The following RGP1 variants were observed in gnomAD, a reference collection of about 807,000 sequenced individuals.
RGP1 encodes the protein RGP1 partner of RAB6A GEF complex.
In RGP1, 28 loss-of-function variants were observed where a neutral mutation model predicts 44.5. The ratio of observed to expected loss-of-function variants is 0.63; its 90% CI spans 0.47 to 0.86. RGP1 has a LOEUF of 0.86. RGP1 is among the 40% of genes least tolerant of loss of function. RGP1 has a pLI of 0.00. For missense variants in RGP1, 417 were observed against 490.7 expected (o/e 0.85, Z 1.42); for synonymous variants, 212 against 196.7 (o/e 1.08, Z -0.65).
In RGP1 at chr9:35,757,070, C is replaced by A; in HGVS notation, c.*4196C>A. 6.5e-6 allele frequency: 1 copy of A among 152,692 alleles called. No individual in the cohort carries two copies. The highest frequency in any genetic ancestry group is 1.5e-5 in the Non-Finnish European group (1 of 68,388). The allele number at this position is 152,692 out of a possible 1,614,324, so 9.5% of individuals were successfully genotyped here. A position where few individuals can be genotyped will look rare whatever the true frequency, so the allele number is the denominator to read the frequency against. The stretch of plus-strand genomic sequence containing the variant: ...GAGGGGGCGGCTGGCGCGCACTACA[C>A]GCTTGGGAACAAGGAAAACATCCGC... On this transcript the variant is annotated 3_prime_UTR_variant, in exon 9 of 9. Coordinates refer to ENST00000378078, the MANE Select transcript of RGP1 (RefSeq NM_001080496.3).
At chr9:35,750,208 A>G (rs779022407) in intron 2 of RGP1, 35 bp from the exon 3 acceptor site, 1 of 1,603,240 alleles carries the variant, frequency 6.2e-7, no homozygotes, top group Non-Finnish European at 8.5e-7. Flanking sequence ...GAGGTCAGGA[A>G]CTACCTCTGA....
At chr9:35,781,870 A>G in the RGP1 span, among the ~76,000 whole-genome samples, 6,028 of 152,158 alleles carry the variant, frequency 0.04, 230 homozygotes, top group African/African-American at 0.091. Flanking sequence ...AGATGGAAGC[A>G]TCTAATTACA....
Position 35,753,487 on chromosome 9 carries a change from C to T in RGP1, c.*613C>T. ...CTCTCCAGGTCCACCCCAACCTCCCCTGATTTATAGCCTGAAGCCTTATCT... is the reference window on the plus strand; with the variant it reads ...CTCTCCAGGTCCACCCCAACCTCCCTTGATTTATAGCCTGAAGCCTTATCT... On this transcript the variant is annotated 3_prime_UTR_variant, in exon 9 of 9. Transcript: ENST00000378078. This position sits in a 1 kb window ranked among gnomAD's most constrained non-coding sequence, Gnocchi z 4.2. 1.3e-6 allele frequency: 1 copy of T among 775,380 alleles called. No homozygotes were observed. Among genetic ancestry groups the T allele is most frequent in the Non-Finnish European group, 2.1e-6 (1 of 482,918 alleles). The allele number at this position is 775,380 out of a possible 1,614,324, so 48.0% of individuals were successfully genotyped here.
chr9:35,786,757 A>G, the RGP1 span: 2 of 152,220 alleles, frequency 1.3e-5, no homozygotes, highest in Non-Finnish European at 2.9e-5. Context: ...GTTTGTCTAA[A>G]AAACATATAT....
At chr9:35,774,456 G>T in the RGP1 span, among the ~76,000 whole-genome samples, 1 of 152,224 alleles carries the variant, frequency 6.6e-6, no homozygotes, top group African/African-American at 2.4e-5. Context: ...GGCCGGGCGC[G>T]GTGGCTCACG....
the RGP1 span, among the ~76,000 whole-genome samples, chr9:35,781,660 C>T: frequency 6.6e-6 from 1 of 152,032 alleles, no homozygotes; most frequent in Non-Finnish European, 1.5e-5. Context: ...GTCCTGAATT[C>T]GGCATGATTT....
chr9:35,783,257 T>C, the RGP1 span, among the ~76,000 whole-genome samples: 1 of 152,216 alleles, frequency 6.6e-6, no homozygotes, highest in Non-Finnish European at 1.5e-5. Context: ...GATGGATACA[T>C]GTATAGTGTG....
intron 6 of RGP1, 106 bp downstream of exon 6, chr9:35,751,518 C>A: frequency 6.3e-7 from 1 of 1,594,514 alleles, no homozygotes; most frequent in South Asian, 1.1e-5. Context: ...CCACTGATAC[C>A]TGACACCTCC....
At chr9:35,789,968 A>G in the RGP1 span, among the ~76,000 whole-genome samples, 60 of 152,304 alleles carry the variant, frequency 3.9e-4, no homozygotes, top group African/African-American at 1.4e-3. Context: ...TATTTATATG[A>G]TCCTCTTAGC....
At chr9:35,760,368 T>C (rs1311338925), downstream of RGP1, among the ~76,000 whole-genome samples, 2 of 152,132 alleles carry the variant, frequency 1.3e-5, no homozygotes, top group Non-Finnish European at 2.9e-5. Context: ...GTCCTGTGCA[T>C]CGTAGGATGC....
At chr9:35,776,557 G>T in the RGP1 span, among the ~76,000 whole-genome samples, 1 of 151,926 alleles carries the variant, frequency 6.6e-6, no homozygotes, top group Non-Finnish European at 1.5e-5. Flanking sequence ...AAATTGTTGG[G>T]ATTACAGGCA....
At chr9:35,772,910 C>T in the RGP1 span, among the ~76,000 whole-genome samples, 1 of 151,694 alleles carries the variant, frequency 6.6e-6, no homozygotes, top group South Asian at 2.1e-4. Context: ...AGTAATATGT[C>T]TTCATAAACA....
At position 35,752,855 on chromosome 9, in the gene RGP1, C is replaced by T. The variant is rs776659202; in HGVS notation, c.1157C>T (p.Thr386Ile). 3.1e-6 allele frequency: 5 copies of T among 1,613,648 alleles called. No homozygotes were observed. The Admixed American group carries it at 5.0e-5, about 16-fold the overall frequency. ...TCATATGCTGCCCCAGGCCCCAGCA[C>T]CAGCACCATAACCATCTGAAACTGG... is the stretch of plus-strand genomic sequence containing the variant. Reference protein sequence around the residue: ...LASYAAPGPSTSTITI With the variant: ...LASYAAPGPSISTITI Residue 386 changes from threonine (T) to isoleucine (I), a missense_variant, in exon 9 of 9, where the codon ACC becomes ATC. Coordinates refer to ENST00000378078, the MANE Select transcript of RGP1 (RefSeq NM_001080496.3).
Position 35,750,872 on chromosome 9 carries a change from C to G in RGP1, c.370C>G (p.Pro124Ala). 6.2e-7 allele frequency: 1 copy of G among 1,614,018 alleles called. No homozygotes were observed. The highest frequency in any genetic ancestry group is 8.5e-7 in the Non-Finnish European group (1 of 1,179,890). ...SYSEVLPIEG[P>A]PSFRGQSVKY... ...CAGTGAAGTGCTGCCCATAGAGGGACCACCCTCCTTTCGGGGTCAGTCAGT... is the reference window on the plus strand; with the variant it reads ...CAGTGAAGTGCTGCCCATAGAGGGAGCACCCTCCTTTCGGGGTCAGTCAGT... Residue 124 changes from proline to alanine, a missense_variant, in exon 5 of 9, where the codon CCA becomes GCA. Physicochemically the swap from Pro to Ala is conservative, Grantham distance 27 (BLOSUM62 -1). Transcript: ENST00000378078.
the RGP1 span, among the ~76,000 whole-genome samples, chr9:35,784,192 GA>G: frequency 6.6e-6 from 1 of 152,098 alleles, no homozygotes; most frequent in Non-Finnish European, 1.5e-5. Flanking sequence ...TAACCCCTTA[GA>G]TGCATAGTTT....
Position 35,752,020 on chromosome 9 carries a change from G to A in RGP1, c.827G>A (p.Gly276Glu). 6.2e-7 allele frequency: 1 copy of A among 1,609,506 alleles called. No homozygotes were observed. The highest frequency in any genetic ancestry group is 2.2e-5 in the East Asian group (1 of 44,868). Residue 276 changes from glycine to glutamate, a missense_variant, in exon 8 of 9, where the codon GGG (glycine) becomes GAG (glutamate). By Grantham distance (98) the Gly-to-Glu change is moderately conservative. Coordinates refer to ENST00000378078, the MANE Select transcript of RGP1 (RefSeq NM_001080496.3). ...QPEYQRRRGAGGVPSVSHVTH... is the reference protein window; with the variant it reads ...QPEYQRRRGAEGVPSVSHVTH... Reference sequence around the variant, plus strand: ...GAGTACCAGCGGCGACGTGGGGCAGGGGGTGTCCCCTCTGTGTCACATGTG... The same window carrying A: ...GAGTACCAGCGGCGACGTGGGGCAGAGGGTGTCCCCTCTGTGTCACATGTG...
chr9:35,785,936 T>C, the RGP1 span, among the ~76,000 whole-genome samples: 2 of 152,178 alleles, frequency 1.3e-5, no homozygotes, highest in Non-Finnish European at 2.9e-5. Flanking sequence ...AGGCTTGGGT[T>C]TCTCCAGGAA....
chr9:35,751,143 G>C, intron 5 of RGP1, 123 bp from the exon 6 acceptor site: 1 of 1,453,578 alleles, frequency 6.9e-7, no homozygotes, highest in African/African-American at 1.4e-5. Flanking sequence ...TGGAGATAGA[G>C]ATGTAAACCT....
rs763983340 is a variant in RGP1, at chr9:35,753,792, G to T, written c.*918G>T. 1.2e-6 allele frequency: 2 copies of T among 1,603,356 alleles called. No individual in the cohort carries two copies. The highest frequency in any genetic ancestry group is 2.2e-5 in the South Asian group (2 of 90,714). On this transcript the variant is annotated 3_prime_UTR_variant, in exon 9 of 9. Coordinates refer to ENST00000378078, the MANE Select transcript of RGP1 (RefSeq NM_001080496.3). The surrounding 1 kb of genome is among the most constrained non-coding windows in gnomAD (Gnocchi z 4.2). ...GGCTAGGGAAGAACGGGAAATGTTA[G>T]TAGGTGTAGGAGTGCTGATGAGAGG... is the stretch of plus-strand genomic sequence containing the variant.
Sources: allele counts gnomAD v4.1 joint callset (sites outside exome capture counted in the v4.1 genomes callset), GRCh38; gene constraint gnomAD v4.1.1; non-coding constraint Gnocchi (gnomAD v3.1); transcripts MANE v1.5; gene names NCBI Gene and HGNC (gene_info 2026-07-23, HGNC 2026-07-21).